The following ZNF248 variants were observed in gnomAD, a reference collection of about 807,000 sequenced individuals.
ZNF248 encodes the protein zinc finger protein 248.
In ZNF248, 20 loss-of-function variants were observed where a neutral mutation model predicts 44.3. That is an observed-to-expected ratio of 0.45 (90% CI 0.32 to 0.66). ZNF248 has a LOEUF of 0.66. Ranked by LOEUF, ZNF248 falls within the 30% of genes least tolerant of loss-of-function variation. The pLI, the probability that ZNF248 is intolerant of heterozygous loss-of-function variation, is 0.04. For synonymous variants in ZNF248, 224 were observed against 229.0 expected (o/e 0.98, Z 0.20); for missense variants, 654 against 677.0 (o/e 0.97, Z 0.38).
At chr10:37,766,837 G>A in the ZNF248 span, among the ~76,000 whole-genome samples, 2 of 152,154 alleles carry the variant, frequency 1.3e-5, no homozygotes, top group South Asian at 4.2e-4. Context: ...AGCTACAGGA[G>A]GAAATTCAAA....
chr10:37,823,513 G>A (rs1404520352), intron 6 of ZNF248, among the ~76,000 whole-genome samples: 4 of 151,910 alleles, frequency 2.6e-5, no homozygotes, highest in Non-Finnish European at 4.4e-5. Flanking sequence ...TAATGAGGGG[G>A]GTCAAGAATT....
the ZNF248 span, among the ~76,000 whole-genome samples, chr10:37,765,244 A>C: frequency 1.3e-5 from 2 of 152,184 alleles, no homozygotes; most frequent in African/African-American, 4.8e-5. Flanking sequence ...GGTGTGAGCC[A>C]CTGAGCCTGG....
chr10:37,800,044 T>C (rs1164164922), intron 6 of ZNF248, among the ~76,000 whole-genome samples: 1 of 151,682 alleles, frequency 6.6e-6, no homozygotes, highest in African/African-American at 2.4e-5. Context: ...TCTGTCTCTA[T>C]CAAAAATAAA....
the ZNF248 span, among the ~76,000 whole-genome samples, chr10:37,762,479 C>CA: frequency 6.6e-6 from 1 of 152,160 alleles, no homozygotes; most frequent in Non-Finnish European, 1.5e-5. Context: ...TGTTCTTAAC[C>CA]ACTGTATCAG....
intron 6 of ZNF248, among the ~76,000 whole-genome samples, chr10:37,777,715 G>A (rs557682058): frequency 7.9e-5 from 10 of 125,862 alleles, no homozygotes; most frequent in Middle Eastern, 5.6e-3. Flanking sequence ...TCCCCAGAGT[G>A]TGATATTCCC....
At chr10:37,795,554 T>C (rs541389530) in intron 6 of ZNF248, 1 of 152,312 alleles carries the variant, frequency 6.6e-6, no homozygotes, top group African/African-American at 2.4e-5. Context: ...GTCTTTTCCA[T>C]ATTCATTAAA....
the ZNF248 span, among the ~76,000 whole-genome samples, chr10:37,762,632 T>G: frequency 6.6e-6 from 1 of 152,182 alleles, no homozygotes; most frequent in Non-Finnish European, 1.5e-5. Flanking sequence ...ATTTATAGCA[T>G]TTTATAAAAG....
chr10:37,834,877 AT>A (rs1405713384), intron 5 of ZNF248, among the ~76,000 whole-genome samples: 4 of 152,228 alleles, frequency 2.6e-5, no homozygotes, highest in Non-Finnish European at 5.9e-5. Flanking sequence ...ATAGGACGGG[AT>A]TTGACATAAA....
At chr10:37,857,690 A>T (rs1437406870), upstream of ZNF248, 1 of 152,208 alleles carries the variant, frequency 6.6e-6, no homozygotes, top group African/African-American at 2.4e-5. Flanking sequence ...AACAAACGTC[A>T]CACGCTACGC....
chr10:37,785,511 C>T (rs1361949697), intron 6 of ZNF248, among the ~76,000 whole-genome samples: 5 of 152,182 alleles, frequency 3.3e-5, no homozygotes, highest in Non-Finnish European at 7.3e-5. Flanking sequence ...AAATAGGTGA[C>T]CCATGGCACT....
At chr10:37,768,467 T>G in the ZNF248 span, among the ~76,000 whole-genome samples, 1 of 152,164 alleles carries the variant, frequency 6.6e-6, no homozygotes, top group Non-Finnish European at 1.5e-5. Flanking sequence ...ACTAAGAAAC[T>G]CACTCAAAAT....
intron 3 of ZNF248, among the ~76,000 whole-genome samples, chr10:37,847,162 A>G (rs2059457296): frequency 6.6e-6 from 1 of 152,088 alleles, no homozygotes; most frequent in Non-Finnish European, 1.5e-5. Context: ...CAGCCTCCTG[A>G]GTAGCTGGGT....
intron 1 of ZNF248, 131 bp from the exon 2 acceptor site, chr10:37,856,663 T>C: frequency 9.8e-7 from 1 of 1,025,062 alleles, no homozygotes; most frequent in Non-Finnish European, 1.2e-6. Flanking sequence ...ATATTGTTTA[T>C]CTGTTTACCT....
At chr10:37,796,675 C>T (rs1485563165) in intron 6 of ZNF248, among the ~76,000 whole-genome samples, 1 of 151,910 alleles carries the variant, frequency 6.6e-6, no homozygotes, top group Non-Finnish European at 1.5e-5. Context: ...CCCATTTTCC[C>T]CCTTTCAGTA....
intron 3 of ZNF248, among the ~76,000 whole-genome samples, chr10:37,842,506 C>A (rs992722790): frequency 6.6e-6 from 1 of 152,170 alleles, no homozygotes; most frequent in African/African-American, 2.4e-5. Context: ...AGACGGCAGA[C>A]CGCATTCCAA....
intron 5 of ZNF248, among the ~76,000 whole-genome samples, chr10:37,836,975 G>A (rs879318605): frequency 2.0e-5 from 3 of 151,584 alleles, no homozygotes; most frequent in Admixed American, 6.6e-5. Flanking sequence ...CTAAGACAAC[G>A]GAAGGAAGGC....
intron 6 of ZNF248, among the ~76,000 whole-genome samples, chr10:37,815,050 A>C (rs1019411035): frequency 2.4e-4 from 36 of 151,906 alleles, no homozygotes; most frequent in Non-Finnish European, 4.4e-4. Context: ...CATGTCTCTT[A>C]GGCTTTCTTC....
chr10:37,798,719 T>A (rs544813362), intron 6 of ZNF248, among the ~76,000 whole-genome samples: 2 of 152,218 alleles, frequency 1.3e-5, no homozygotes, highest in East Asian at 1.9e-4. Flanking sequence ...ATATAAAACC[T>A]AATTTACTTG....
intron 6 of ZNF248, among the ~76,000 whole-genome samples, chr10:37,821,703 C>T (rs936722855): frequency 6.6e-6 from 1 of 152,194 alleles, no homozygotes; most frequent in African/African-American, 2.4e-5. Flanking sequence ...CAACCCTGAC[C>T]CTGGAGCACA....
Sources: gnomAD v4.1 joint callset for allele counts (sites outside exome capture counted in the v4.1 genomes callset) on GRCh38, gnomAD v4.1.1 for gene constraint, MANE v1.5 for transcripts, NCBI Gene and HGNC (gene_info 2026-07-23, HGNC 2026-07-21) for gene names.